The following ANOS1 variants were observed in gnomAD, a reference collection of about 807,000 sequenced individuals.
ANOS1 encodes the protein anosmin-1.
In ANOS1, 6 loss-of-function variants were observed where a neutral mutation model predicts 59.0. The observed-to-expected ratio is 0.10, with a 90% confidence interval of 0.06 to 0.20. The LOEUF (loss-of-function observed/expected upper bound fraction) is 0.20, where lower values mean the gene tolerates loss of function less well. Ranked by LOEUF, ANOS1 falls within the 10% of genes least tolerant of loss-of-function variation. The probability of loss-of-function intolerance (pLI) is 1.00; values close to 1 mark genes in which losing one functional copy is unlikely to be tolerated. For missense variants in ANOS1, 433 were observed against 542.3 expected, an observed-to-expected ratio of 0.80 and a Z score of 2.00; for synonymous variants, 217 against 223.4, an observed-to-expected ratio of 0.97 and a Z score of 0.25.
At chrX:8,591,576 T>C (rs992278192) in intron 4 of ANOS1, among the ~76,000 whole-genome samples, 16 of 112,295 alleles carry the variant, frequency 1.4e-4, no homozygotes, top group Admixed American at 1.4e-3. Context: ...CAGGGCGATG[T>C]CAGTTCAAAT....
Position 8,554,070 on chromosome X carries a change from A to G in ANOS1, c.1236T>C (p.Gly412=). ...NKEQLVKTRK[G]GIQTQLPFQR... ...GAAAAGGGAGTTGTGTTTGAATTCCACCTTTTCTAGTTTTCACAAGCTGTT... is the reference window on the plus strand; with the variant it reads ...GAAAAGGGAGTTGTGTTTGAATTCCGCCTTTTCTAGTTTTCACAAGCTGTT... The change falls in exon 9 of 14, where the codon GGT becomes GGC. Residue 412 remains glycine, a synonymous_variant. Coordinates refer to ENST00000262648, the MANE Select transcript of ANOS1 (RefSeq NM_000216.4). 1 of 1,206,344 alleles carries G rather than the reference A, an allele frequency of 8.3e-7. No homozygotes were observed. Among genetic ancestry groups the G allele is most frequent in the Non-Finnish European group, 1.1e-6 (1 of 890,695 alleles).
intron 6 of ANOS1, among the ~76,000 whole-genome samples, chrX:8,584,171 C>T (rs1206868873): frequency 8.9e-6 from 1 of 112,086 alleles, no homozygotes; most frequent in Non-Finnish European, 1.9e-5. Context: ...TATATTTTGA[C>T]CAGAACATCT....
In ANOS1 at chrX:8,535,773, G is replaced by T. The variant is rs1205919593; in HGVS notation, c.1660C>A (p.Leu554Ile). The T allele has an allele frequency of 2.5e-6, 3 of 1,211,554 alleles. No homozygotes were observed. Among genetic ancestry groups the T allele is most frequent in the South Asian group, 1.8e-5 (1 of 57,001 alleles). Reference sequence around the variant, plus strand: ...TCCTGGACGATGAATGAAGCAGAAAGGTTCTCAGGCTTAGCTAGCACCTTA... The same window carrying T: ...TCCTGGACGATGAATGAAGCAGAAATGTTCTCAGGCTTAGCTAGCACCTTA... The part of the protein sequence containing the change: ...LSKVLAKPEN[L>I]SASFIVQDVN... The change falls in exon 12 of 14, where the codon CTT (leucine) becomes ATT (isoleucine). Residue 554 changes from leucine to isoleucine, a missense_variant. Leu to Ile is a conservative substitution (Grantham distance 5). Transcript: ENST00000262648.
At chrX:8,706,225 A>G (rs1932779184) in intron 1 of ANOS1, among the ~76,000 whole-genome samples, 2 of 112,477 alleles carry the variant, frequency 1.8e-5, no homozygotes, top group Admixed American at 9.4e-5. Flanking sequence ...ATTTCCTTCA[A>G]CATAGCCAGG....
At chrX:8,618,286 C>T (rs1381997826) in intron 3 of ANOS1, among the ~76,000 whole-genome samples, 3 of 112,214 alleles carry the variant, frequency 2.7e-5, no homozygotes, top group African/African-American at 9.7e-5. Context: ...CTGAGAAAGA[C>T]TACTTATCTC....
chrX:8,699,332 T>C (rs981342714), intron 2 of ANOS1, among the ~76,000 whole-genome samples: 4 of 111,955 alleles, frequency 3.6e-5, no homozygotes, highest in African/African-American at 9.7e-5. Context: ...TAAGTATAAA[T>C]AGAATACATT....
At chrX:8,697,309 C>T (rs755227939) in intron 2 of ANOS1, among the ~76,000 whole-genome samples, 1 of 111,689 alleles carries the variant, frequency 9.0e-6, no homozygotes, top group Admixed American at 9.5e-5. Context: ...CAAGAGACAG[C>T]CAGTGAGAAT....
At chrX:8,534,498 C>A (rs1929556794) in intron 12 of ANOS1, 38 bp from the exon 13 acceptor site, 8 of 1,187,415 alleles carry the variant, frequency 6.7e-6, no homozygotes, top group Non-Finnish European at 8.0e-6. Context: ...TCACCGACAA[C>A]CTTTCAGAGA....
chrX:8,582,719 C>T (rs748273166), intron 6 of ANOS1, among the ~76,000 whole-genome samples: 1 of 111,104 alleles, frequency 9.0e-6, no homozygotes, highest in Admixed American at 9.6e-5. Flanking sequence ...ACCCAGGATC[C>T]GGAAGTGGGG....
At position 8,611,361 on chromosome X, in the gene ANOS1, A is replaced by G; in HGVS notation, c.318+12247T>C. Among the ~76,000 whole-genome samples the G allele has an allele frequency of 3.6e-5, 4 of 110,238 alleles. No homozygotes were observed. The South Asian group carries it at 1.5e-3, about 43-fold the overall frequency. Reference sequence around the variant, plus strand: ...GACTCATTGACCCATGAGACAAAATAAGCTGGTCTAATGTGTGTAATTAGA... The same window carrying G: ...GACTCATTGACCCATGAGACAAAATGAGCTGGTCTAATGTGTGTAATTAGA... On this transcript the variant is annotated intron_variant, in intron 3 of 13. Coordinates refer to ENST00000262648, the MANE Select transcript of ANOS1 (RefSeq NM_000216.4).
chrX:8,664,054 G>A (rs1932086912), intron 2 of ANOS1, among the ~76,000 whole-genome samples: 1 of 111,431 alleles, frequency 9.0e-6, no homozygotes, highest in Non-Finnish European at 1.9e-5. Flanking sequence ...CAAAGGGGTG[G>A]GGGAAGGGAG....
chrX:8,530,301 T>A lies in ANOS1; in HGVS notation c.*2694A>T, dbSNP rs1469550950. On this transcript the variant is annotated 3_prime_UTR_variant, in exon 14 of 14. Transcript: ENST00000262648. Reference sequence around the variant, plus strand: ...TTTTTTAAACAGTCAATACTATTACTGGATATATTTTTCTCACATTAGAGA... The same window carrying A: ...TTTTTTAAACAGTCAATACTATTACAGGATATATTTTTCTCACATTAGAGA... 1.8e-5 allele frequency: 2 copies of A among 112,215 alleles called. No homozygotes were observed. Among genetic ancestry groups the A allele is most frequent in the Non-Finnish European group, 3.8e-5 (2 of 53,196 alleles). The allele number at this position is 112,215 out of a possible 1,213,427, so 9.2% of individuals were successfully genotyped here.
At chrX:8,601,388 C>A (rs910980856) in intron 3 of ANOS1, among the ~76,000 whole-genome samples, 3 of 110,744 alleles carry the variant, frequency 2.7e-5, no homozygotes, top group African/African-American at 9.9e-5. Context: ...GTATATTATT[C>A]TAATTATCTA....
intron 2 of ANOS1, among the ~76,000 whole-genome samples, chrX:8,664,043 T>C (rs1932086388): frequency 9.0e-6 from 1 of 110,674 alleles, no homozygotes; most frequent in African/African-American, 3.3e-5. Context: ...CTGGGGCCTG[T>C]CAAAGGGGTG....
In ANOS1 at chrX:8,530,797, G is replaced by T. The variant is rs1929486352; in HGVS notation, c.*2198C>A. ...TAACTATGCAACAGTACAAAAATTTGCTGGCATAAACATTTGAATTTGTTC... is the reference window on the plus strand; with the variant it reads ...TAACTATGCAACAGTACAAAAATTTTCTGGCATAAACATTTGAATTTGTTC... On this transcript the variant is annotated 3_prime_UTR_variant, in exon 14 of 14. Coordinates refer to ENST00000262648, the MANE Select transcript of ANOS1 (RefSeq NM_000216.4). 9.0e-6 allele frequency: 1 copy of T among 110,506 alleles called. No individual in the cohort carries two copies. Among genetic ancestry groups the T allele is most frequent in the Non-Finnish European group, 1.9e-5 (1 of 52,899 alleles). The allele number at this position is 110,506 out of a possible 1,213,427, so 9.1% of individuals were successfully genotyped here.
rs1275104033 is a variant in ANOS1 at position 8,658,654 on chromosome X, A to T, written c.256-34984T>A. On this transcript the variant is annotated intron_variant, in intron 2 of 13. Coordinates refer to ENST00000262648, the MANE Select transcript of ANOS1 (RefSeq NM_000216.4). The stretch of plus-strand genomic sequence containing the variant: ...CGAATGGAATAATTGTAGCCATGGA[A>T]CAACCTCCTTGATGAAGATATGCTG... Among the ~76,000 whole-genome samples, 4 of 112,351 alleles carry T rather than the reference A, an allele frequency of 3.6e-5. No homozygotes were observed. In the Admixed American group the frequency reaches 3.8e-4, roughly 11 times the overall value.
chrX:8,598,277 G>A (rs1486812002), intron 3 of ANOS1, among the ~76,000 whole-genome samples: 1 of 111,886 alleles, frequency 8.9e-6, no homozygotes, highest in East Asian at 2.8e-4. Context: ...CCATTAGTGA[G>A]AATAGGAAGC....
intron 2 of ANOS1, among the ~76,000 whole-genome samples, chrX:8,690,887 CT>C (rs1932595985): frequency 9.0e-6 from 1 of 110,711 alleles, no homozygotes; most frequent in Non-Finnish European, 1.9e-5. Context: ...TAAATTACCA[CT>C]TTTCAACACA....
At chrX:8,608,111 G>C (rs1232876839) in intron 3 of ANOS1, among the ~76,000 whole-genome samples, 1 of 111,683 alleles carries the variant, frequency 9.0e-6, no homozygotes, top group Non-Finnish European at 1.9e-5. Context: ...AATTTGGGGG[G>C]CAAAATTAAT....
Sources: allele counts gnomAD v4.1 joint callset (sites outside exome capture counted in the v4.1 genomes callset), GRCh38; gene constraint gnomAD v4.1.1; transcripts MANE v1.5; gene names NCBI Gene and HGNC (gene_info 2026-07-23, HGNC 2026-07-21).